The following CFDP1 variants were observed in gnomAD, a reference collection of about 807,000 sequenced individuals.
CFDP1 encodes chromatin remodeling protein CFDP1, also known as heterochromatin-stabilizing protein CFDP1.
CFDP1 carries 31 observed loss-of-function variants against 40.1 expected under a neutral mutation model. That is an observed-to-expected ratio of 0.77 (90% confidence interval 0.58 to 1.04). CFDP1 has a LOEUF of 1.04. CFDP1 is among the 50% of genes least tolerant of loss of function. CFDP1 has a pLI of 0.00. For synonymous variants in CFDP1, 167 were observed against 120.0 expected (o/e 1.39, Z -2.56); for missense variants, 423 against 343.4 (o/e 1.23, Z -1.83).
In CFDP1 at chr16:75,349,698, T is replaced by TATATATATATATATATATATATAC. The variant is rs146824267; in HGVS notation, c.651-44517_651-44516insGTATATATATATATATATATATAT. ...AAAAAAAAAAAAAAAAAAATATATA[T>TATATATATATATATATATATATAC]ACATACATATATACGGTTGATTTTT... On this transcript the variant is annotated intron_variant, in intron 5 of 6. Transcript: ENST00000283882. Among the ~76,000 whole-genome samples, 54 of 47,888 alleles carry TATATATATATATATATATATATAC rather than the reference T, an allele frequency of 1.1e-3. 2 individuals are homozygous for TATATATATATATATATATATATAC. Among genetic ancestry groups the TATATATATATATATATATATATAC allele is most frequent in the African/African-American group, 1.5e-3 (14 of 9,170 alleles). 31.4% of individuals were successfully genotyped at this position (47,888 alleles called of 152,430 possible).
chr16:75,376,470 A>G (rs1373382470), intron 5 of CFDP1, among the ~76,000 whole-genome samples: 1 of 152,182 alleles, frequency 6.6e-6, no homozygotes, highest in Non-Finnish European at 1.5e-5. Context: ...CACTGTAGGT[A>G]AAAGAATCCA....
chr16:75,416,471 A>C (rs2079206864), intron 1 of CFDP1, among the ~76,000 whole-genome samples: 1 of 151,890 alleles, frequency 6.6e-6, no homozygotes. Context: ...ATTTAAAAAA[A>C]AAAAAAAAAG....
intron 5 of CFDP1, among the ~76,000 whole-genome samples, chr16:75,375,144 A>C (rs2078782781): frequency 6.6e-6 from 1 of 152,332 alleles, no homozygotes; most frequent in East Asian, 1.9e-4. Context: ...CATTAAAAAA[A>C]GGCAAAATCT....
chr16:75,297,188 GTGTGTGTT>G (rs2078189498), intron 6 of CFDP1, among the ~76,000 whole-genome samples: 2 of 151,090 alleles, frequency 1.3e-5, no homozygotes, highest in Admixed American at 6.6e-5. Flanking sequence ...GTGTGTGTGT[GTGTGTGTT>G]TTTAGTAGAG....
intron 1 of CFDP1, among the ~76,000 whole-genome samples, chr16:75,423,140 G>T (rs2079298648): frequency 6.6e-6 from 1 of 151,912 alleles, no homozygotes; most frequent in African/African-American, 2.4e-5. Flanking sequence ...AATTAGCCGG[G>T]CCTTGTGGTG....
chr16:75,330,983 A>C (rs1160283568), intron 5 of CFDP1, among the ~76,000 whole-genome samples: 4 of 150,844 alleles, frequency 2.7e-5, no homozygotes, highest in Admixed American at 6.6e-5. Context: ...AAAAAAAAAA[A>C]AACACAAAGT....
chr16:75,400,997 C>G (rs2079047267), intron 4 of CFDP1, among the ~76,000 whole-genome samples: 1 of 152,166 alleles, frequency 6.6e-6, no homozygotes, highest in Non-Finnish European at 1.5e-5. Flanking sequence ...CTGGATGCAG[C>G]TAATTTAAAA....
At chr16:75,343,291 C>T (rs1386209572) in intron 5 of CFDP1, among the ~76,000 whole-genome samples, 1 of 152,132 alleles carries the variant, frequency 6.6e-6, no homozygotes, top group Non-Finnish European at 1.5e-5. Context: ...CACTAGATAG[C>T]AGGCCTCTCC....
intron 5 of CFDP1, among the ~76,000 whole-genome samples, chr16:75,384,468 A>C (rs182081348): frequency 3.9e-5 from 6 of 152,292 alleles, no homozygotes; most frequent in Middle Eastern, 3.4e-3. Flanking sequence ...ATAAATACAT[A>C]TTGGTAAATG....
chr16:75,347,461 C>T (rs1164538403), intron 5 of CFDP1, among the ~76,000 whole-genome samples: 7 of 151,562 alleles, frequency 4.6e-5, no homozygotes, highest in African/African-American at 1.5e-4. Flanking sequence ...GGGTGGATCA[C>T]GAGGTCAAGA....
intron 5 of CFDP1, among the ~76,000 whole-genome samples, chr16:75,378,173 T>C (rs1023696578): frequency 1.2e-4 from 18 of 152,246 alleles, no homozygotes; most frequent in African/African-American, 4.3e-4. Context: ...CGTTGTAAGC[T>C]GCATTGCTAT....
At chr16:75,401,244 C>G in intron 4 of CFDP1, among the ~76,000 whole-genome samples, 1 of 151,756 alleles carries the variant, frequency 6.6e-6, no homozygotes, top group East Asian at 1.9e-4. Flanking sequence ...CTGGCTAATA[C>G]AGTGAAACCC....
chr16:75,429,063 G>T (rs1462267032), intron 1 of CFDP1, among the ~76,000 whole-genome samples: 4 of 151,854 alleles, frequency 2.6e-5, no homozygotes, highest in Non-Finnish European at 5.9e-5. Context: ...GTTGCAGGGA[G>T]CCTAGATGCC....
chr16:75,383,868 T>C (rs533222862), intron 5 of CFDP1, among the ~76,000 whole-genome samples: 10 of 151,740 alleles, frequency 6.6e-5, no homozygotes, highest in Middle Eastern at 3.4e-3. Flanking sequence ...TCACAATTTA[T>C]CTCAGTGTTT....
rs139911866 is a variant in CFDP1, at chr16:75,409,675, T to A, written c.530+2150A>T. 1.4e-3 allele frequency among the ~76,000 whole-genome samples: 218 copies of A among 152,224 alleles called. 2 individuals carry two copies. Among genetic ancestry groups the A allele is most frequent in the African/African-American group, 5.0e-3 (207 of 41,544 alleles). On this transcript the variant is annotated intron_variant, in intron 4 of 6. Transcript: ENST00000283882. ...GCCCTTGGTCGTAGGAGACACGTGC[T>A]AAAGTATTAAAGGCTGATGTGTCAC...
chr16:75,413,366 T>C (rs892111355), intron 2 of CFDP1, among the ~76,000 whole-genome samples: 5 of 151,996 alleles, frequency 3.3e-5, no homozygotes, highest in African/African-American at 9.7e-5. Context: ...CTACCTTTTT[T>C]CTCTTTTACT....
chr16:75,363,351 G>A (rs1017059982), intron 5 of CFDP1, among the ~76,000 whole-genome samples: 1 of 149,798 alleles, frequency 6.7e-6, no homozygotes, highest in Non-Finnish European at 1.5e-5. Context: ...CTCATCTAGT[G>A]CACAATCTAT....
At chr16:75,367,278 T>C (rs564647106) in intron 5 of CFDP1, among the ~76,000 whole-genome samples, 4 of 150,306 alleles carry the variant, frequency 2.7e-5, no homozygotes, top group South Asian at 2.1e-4. Context: ...TTTAAAACAA[T>C]AGAAAAATTT....
At chr16:75,312,593 T>A (rs1190850133) in intron 5 of CFDP1, among the ~76,000 whole-genome samples, 1 of 152,236 alleles carries the variant, frequency 6.6e-6, no homozygotes, top group African/African-American at 2.4e-5. Flanking sequence ...TTATAACGTG[T>A]GTCTAAAACA....
Sources: allele counts gnomAD v4.1 joint callset (sites outside exome capture counted in the v4.1 genomes callset), GRCh38; gene constraint gnomAD v4.1.1; transcripts MANE v1.5; gene names NCBI Gene and HGNC (gene_info 2026-07-23, HGNC 2026-07-21).